Variants in ABR observed in about 807,000 individuals in gnomAD.
ABR encodes ABR activator of RhoGEF and GTPase, also known as active breakpoint cluster region-related protein.
A neutral mutation model predicts 107.2 loss-of-function variants in ABR; 35 were observed. That is an observed-to-expected ratio of 0.33 (90% CI 0.25 to 0.43). The LOEUF is 0.43. ABR is among the 20% of genes least tolerant of loss of function. The pLI, the probability that ABR is intolerant of heterozygous loss-of-function variation, is 1.00. For missense variants in ABR, 815 were observed against 1,115.2 expected (o/e 0.73, Z 3.83); for synonymous variants, 498 against 462.0 (o/e 1.08, Z -1.00).
intron 6 of ABR, among the ~76,000 whole-genome samples, chr17:1,075,632 C>G (rs1388437784): frequency 6.6e-6 from 1 of 152,250 alleles, no homozygotes; most frequent in Non-Finnish European, 1.5e-5. Context: ...CTCTGCAAGA[C>G]CACAAGGGCC....
At position 1,012,800 on chromosome 17, in the gene ABR, G is replaced by A; in HGVS notation, c.1852-3C>T. 1 of 1,572,146 alleles carries A rather than the reference G, an allele frequency of 6.4e-7. No homozygotes were observed. Among genetic ancestry groups the A allele is most frequent in the South Asian group, 1.2e-5 (1 of 86,086 alleles). ...TTCATGGAAAATTCCACTTTGATCT[G>A]GTTGGGGGGTGAGGCAGGTAAAGAT... On this transcript the variant is annotated splice_polypyrimidine_tract_variant and splice_region_variant and intron_variant, in intron 17 of 22. Coordinates refer to ENST00000302538, the MANE Select transcript of ABR (RefSeq NM_021962.5).
At chr17:1,162,319 A>G (rs12325789) in intron 1 of ABR, among the ~76,000 whole-genome samples, 14,905 of 152,242 alleles carry the variant, frequency 0.098, 2,470 homozygotes, top group African/African-American at 0.34. Flanking sequence ...CTTTGCAGAC[A>G]GGAGAGACTC....
intron 1 of ABR, among the ~76,000 whole-genome samples, chr17:1,218,389 T>C (rs2043053464): frequency 1.3e-5 from 2 of 152,202 alleles, no homozygotes; most frequent in African/African-American, 4.8e-5. Context: ...AATTTAGGTC[T>C]GTCGGGAAAA....
In ABR at chr17:1,070,874, T is replaced by C. The variant is rs1041668455; in HGVS notation, c.895-784A>G. 6.6e-6 allele frequency among the ~76,000 whole-genome samples: 1 copy of C among 152,120 alleles called. No individual in the cohort carries two copies. Among genetic ancestry groups the C allele is most frequent in the African/African-American group, 2.4e-5 (1 of 41,424 alleles). ...GCGTATTCAAAGTATACAATTAAGA[T>C]GACCGAGGCCGGGCGCAGTGGTTCA... On this transcript the variant is annotated intron_variant, in intron 8 of 22. Transcript: ENST00000302538. This position sits in a 1 kb window ranked among gnomAD's most constrained non-coding sequence, Gnocchi z 4.2.
intron 1 of ABR, among the ~76,000 whole-genome samples, chr17:1,135,372 TTTGTC>T (rs1186936968): frequency 1.9e-4 from 21 of 110,832 alleles, no homozygotes; most frequent in South Asian, 5.8e-4. Context: ...TCTTTTTCTT[TTTGTC>T]TTTTTTTTTT....
chr17:1,077,122 G>T (rs2035801221), intron 6 of ABR, among the ~76,000 whole-genome samples: 2 of 152,190 alleles, frequency 1.3e-5, no homozygotes, highest in African/African-American at 4.8e-5. Flanking sequence ...TACAAGTGGT[G>T]GGAGCTGGGT....
chr17:1,165,688 C>T (rs990019587), intron 1 of ABR, among the ~76,000 whole-genome samples: 6 of 152,242 alleles, frequency 3.9e-5, no homozygotes, highest in South Asian at 2.1e-4. Context: ...TCCACCACCA[C>T]GCCCAGCTAA....
At chr17:1,191,250 TGCCAGCTTCCC>T (rs1458302731), upstream of ABR, among the ~76,000 whole-genome samples, 1 of 152,090 alleles carries the variant, frequency 6.6e-6, no homozygotes, top group Non-Finnish European at 1.5e-5. Flanking sequence ...GCGGTTGGTC[TGCCAGCTTCCC>T]GCCAGCCTCC....
At chr17:1,195,170 A>G (rs368742456) in intron 1 of ABR, among the ~76,000 whole-genome samples, 174 of 147,464 alleles carry the variant, frequency 1.2e-3, no homozygotes, top group African/African-American at 3.8e-3. Flanking sequence ...AGCCGGGCGC[A>G]GTGGCGGGCG....
intron 14 of ABR, among the ~76,000 whole-genome samples, chr17:1,052,330 G>A (rs931825929): frequency 6.6e-6 from 1 of 151,498 alleles, no homozygotes; most frequent in Non-Finnish European, 1.5e-5. Flanking sequence ...GCCCCTCCTC[G>A]AGGGGCTGGG....
At chr17:1,101,030 G>A (rs577338636) in intron 2 of ABR, 2 of 415,640 alleles carry the variant, frequency 4.8e-6, no homozygotes, top group Non-Finnish European at 4.5e-6. Flanking sequence ...CACCATGTTG[G>A]CCAGGCTGAT....
At chr17:1,211,115 TA>T (rs1303045286) in intron 1 of ABR, among the ~76,000 whole-genome samples, 1 of 151,942 alleles carries the variant, frequency 6.6e-6, no homozygotes, top group African/African-American at 2.4e-5. Flanking sequence ...CCGTCTCTAC[TA>T]AAAAATACAA....
At chr17:1,151,306 T>G (rs1271520051) in intron 1 of ABR, among the ~76,000 whole-genome samples, 1 of 152,140 alleles carries the variant, frequency 6.6e-6, no homozygotes, top group Non-Finnish European at 1.5e-5. Context: ...TACGTCTTAT[T>G]TCCCTGGACC....
chr17:1,100,623 G>A lies in ABR; in HGVS notation c.345+14C>T, dbSNP rs745341854. On this transcript the variant is annotated intron_variant, in intron 3 of 22. Transcript: ENST00000302538. Reference sequence around the variant, plus strand: ...GGGGGGACCGGAAGGCCCCAGAGCAGGGACTGTACTCACCAGCAACAGGGC... The same window carrying A: ...GGGGGGACCGGAAGGCCCCAGAGCAAGGACTGTACTCACCAGCAACAGGGC... The A allele has an allele frequency of 2.2e-5, 36 of 1,613,016 alleles. No homozygotes were observed. Among genetic ancestry groups the A allele is most frequent in the Non-Finnish European group, 2.9e-5 (34 of 1,179,184 alleles).
chr17:1,118,276 G>GT (rs1567788403), intron 2 of ABR, among the ~76,000 whole-genome samples: 3 of 83,938 alleles, frequency 3.6e-5, no homozygotes, highest in Admixed American at 1.3e-4. Flanking sequence ...CTGAGCCTGA[G>GT]TCCTCCCCAG....
At chr17:1,225,790 T>C (rs1324885549) in intron 1 of ABR, among the ~76,000 whole-genome samples, 1 of 152,140 alleles carries the variant, frequency 6.6e-6, no homozygotes, top group African/African-American at 2.4e-5. Flanking sequence ...ATTTCTCATA[T>C]CAACAGCAGG....
chr17:1,056,003 C>A (rs1392772833), intron 14 of ABR, 32 bp downstream of exon 14: 1 of 1,600,892 alleles, frequency 6.2e-7, no homozygotes. Context: ...CCACAATGGC[C>A]CACCCAACCT....
chr17:1,033,381 C>G lies in ABR; in HGVS notation c.1791+16669G>C, dbSNP rs369125555. On this transcript the variant is annotated intron_variant, in intron 16 of 22. Transcript: ENST00000302538. The stretch of plus-strand genomic sequence containing the variant: ...CCCTCCCAACTGTATGAAGTCAGTA[C>G]CAGCATCCCCGCTTTACCTCTGAGG... 3.9e-4 allele frequency among the ~76,000 whole-genome samples: 60 copies of G among 152,318 alleles called. No individual in the cohort carries two copies. In the South Asian group the frequency reaches 0.012, roughly 31 times the overall value.
intron 2 of ABR, among the ~76,000 whole-genome samples, chr17:1,110,716 G>A (rs2038624872): frequency 6.6e-6 from 1 of 152,202 alleles, no homozygotes; most frequent in South Asian, 2.1e-4. Context: ...GCTCCATCCT[G>A]TTGCAGAGCT....
Sources: allele counts gnomAD v4.1 joint callset (sites outside exome capture counted in the v4.1 genomes callset), GRCh38; gene constraint gnomAD v4.1.1; non-coding constraint Gnocchi (gnomAD v3.1); transcripts MANE v1.5; gene names NCBI Gene and HGNC (gene_info 2026-07-23, HGNC 2026-07-21).